The following EYS variants were observed in gnomAD, a reference collection of about 807,000 sequenced individuals.
EYS encodes EGF-like photoreceptor maintenance factor, also known as protein eyes shut homolog.
EYS carries 250 observed loss-of-function variants against 282.1 expected under a neutral mutation model. The ratio of observed to expected loss-of-function variants is 0.89; its 90% CI spans 0.80 to 0.98. The LOEUF (loss-of-function observed/expected upper bound fraction) is 0.98. Among genes scored for constraint, EYS ranks in the 50% least tolerant of loss-of-function variants. The probability of loss-of-function intolerance (pLI) is 0.00; values close to 1 mark genes in which losing one functional copy is unlikely to be tolerated. For missense variants in EYS, 4,016 were observed against 3,709.0 expected (o/e 1.08, Z -2.15); for synonymous variants, 1,355 against 1,282.9 (o/e 1.06, Z -1.20).
chr6:65,365,432 C>T (rs567877561), intron 8 of EYS, among the ~76,000 whole-genome samples: 1 of 151,538 alleles, frequency 6.6e-6, no homozygotes, highest in African/African-American at 2.4e-5. Context: ...TGTATCTCCC[C>T]CTGTGTGAGT....
At chr6:65,376,783 T>C (rs1765382759) in intron 8 of EYS, among the ~76,000 whole-genome samples, 1 of 152,152 alleles carries the variant, frequency 6.6e-6, no homozygotes, top group African/African-American at 2.4e-5. Flanking sequence ...AGAAGGGCAT[T>C]ACATAATGGT....
intron 31 of EYS, among the ~76,000 whole-genome samples, chr6:64,228,214 A>G (rs1206344291): frequency 6.6e-6 from 1 of 152,186 alleles, no homozygotes; most frequent in Non-Finnish European, 1.5e-5. Context: ...TTATGACAGA[A>G]AGAGGCAAGA....
chr6:65,526,821 A>G (rs1311017033), intron 2 of EYS, among the ~76,000 whole-genome samples: 2 of 152,130 alleles, frequency 1.3e-5, no homozygotes, highest in African/African-American at 4.8e-5. Flanking sequence ...ACAAAATTAA[A>G]TTTAAAAAAG....
chr6:64,816,499 C>T (rs999465940), intron 21 of EYS, among the ~76,000 whole-genome samples: 1 of 152,034 alleles, frequency 6.6e-6, no homozygotes, highest in Admixed American at 6.6e-5. Flanking sequence ...TTTTGCTCTT[C>T]TGATCTAGGT....
intron 33 of EYS, among the ~76,000 whole-genome samples, chr6:64,002,037 A>G (rs1768118676): frequency 6.6e-6 from 1 of 152,214 alleles, no homozygotes; most frequent in African/African-American, 2.4e-5. Context: ...CTATGCCCAT[A>G]TAAACCTGAG....
chr6:65,312,774 G>C (rs1271130556), intron 11 of EYS, among the ~76,000 whole-genome samples: 1 of 152,172 alleles, frequency 6.6e-6, no homozygotes, highest in Non-Finnish European at 1.5e-5. Context: ...TGGGGGCAGA[G>C]CTTCAACGTT....
At chr6:65,562,415 A>G (rs1426152111) in intron 2 of EYS, among the ~76,000 whole-genome samples, 1 of 152,080 alleles carries the variant, frequency 6.6e-6, no homozygotes, top group Non-Finnish European at 1.5e-5. Flanking sequence ...CCATACTGTT[A>G]TCCAAAATTT....
chr6:64,646,569 T>C (rs1562110324), intron 22 of EYS, among the ~76,000 whole-genome samples: 2 of 152,052 alleles, frequency 1.3e-5, no homozygotes, highest in Admixed American at 1.3e-4. Flanking sequence ...TTTGGGAGGC[T>C]GAGGCGGGCA....
chr6:63,951,093 T>C (rs1457934033), intron 35 of EYS, among the ~76,000 whole-genome samples: 2 of 152,024 alleles, frequency 1.3e-5, no homozygotes, highest in East Asian at 3.9e-4. Flanking sequence ...CTTCTCTCCG[T>C]GTCTCTACCC....
chr6:64,634,672 C>T (rs1205643649), intron 22 of EYS, among the ~76,000 whole-genome samples: 2 of 152,122 alleles, frequency 1.3e-5, no homozygotes, highest in Non-Finnish European at 2.9e-5. Context: ...ACAACTGCTC[C>T]ACATGCCATG....
intron 22 of EYS, among the ~76,000 whole-genome samples, chr6:64,812,161 T>C (rs1008155493): frequency 6.6e-6 from 1 of 152,024 alleles, no homozygotes; most frequent in African/African-American, 2.4e-5. Flanking sequence ...ACATGTTTAC[T>C]ATATTTTATC....
intron 22 of EYS, among the ~76,000 whole-genome samples, chr6:64,678,732 C>T (rs1769787141): frequency 6.6e-6 from 1 of 152,140 alleles, no homozygotes; most frequent in Non-Finnish European, 1.5e-5. Context: ...CGCCTGTCAT[C>T]CCAGCACTTT....
chr6:64,747,003 C>G (rs1772576841), intron 22 of EYS, among the ~76,000 whole-genome samples: 1 of 152,170 alleles, frequency 6.6e-6, no homozygotes, highest in Non-Finnish European at 1.5e-5. Context: ...TTCCTCAAAG[C>G]AACAGCTTGG....
intron 37 of EYS, 36 bp from the exon 38 acceptor site, chr6:63,789,260 G>T: frequency 6.5e-7 from 1 of 1,538,196 alleles, no homozygotes; most frequent in Non-Finnish European, 8.8e-7. Context: ...TGCTCACTGA[G>T]AGGAAATTCA....
intron 36 of EYS, among the ~76,000 whole-genome samples, chr6:63,810,315 C>CCCA (rs1554171340): frequency 3.8e-5 from 5 of 132,544 alleles, no homozygotes; most frequent in African/African-American, 1.5e-4. Context: ...CCCCCCCCCC[C>CCCA]AAAAAAACCT....
intron 12 of EYS, among the ~76,000 whole-genome samples, chr6:65,231,410 C>T (rs1465466737): frequency 2.0e-5 from 3 of 151,206 alleles, no homozygotes; most frequent in African/African-American, 4.8e-5. Flanking sequence ...TGTTCTATGT[C>T]GCTCAAATTC....
At chr6:65,274,618 A>G (rs1026625974) in intron 12 of EYS, among the ~76,000 whole-genome samples, 3 of 152,136 alleles carry the variant, frequency 2.0e-5, no homozygotes, top group Non-Finnish European at 4.4e-5. Context: ...TCTTCAGGCC[A>G]TTGTCATAAT....
At chr6:64,242,507 T>C (rs1350901379) in intron 30 of EYS, among the ~76,000 whole-genome samples, 2 of 152,136 alleles carry the variant, frequency 1.3e-5, no homozygotes, top group Non-Finnish European at 2.9e-5. Flanking sequence ...TATTTCCTTT[T>C]TGACATCCGT....
At chr6:65,643,428 C>T (rs1293664038) in intron 1 of EYS, among the ~76,000 whole-genome samples, 1 of 152,172 alleles carries the variant, frequency 6.6e-6, no homozygotes, top group Non-Finnish European at 1.5e-5. Context: ...CCTGCTACCA[C>T]CCGGTGGTCT....
Sources: gnomAD v4.1 joint callset for allele counts (sites outside exome capture counted in the v4.1 genomes callset) on GRCh38, gnomAD v4.1.1 for gene constraint, MANE v1.5 for transcripts, NCBI Gene and HGNC (gene_info 2026-07-23, HGNC 2026-07-21) for gene names.